Variants in CCDC134 observed in about 807,000 individuals in gnomAD.
CCDC134 encodes the protein coiled-coil domain-containing protein 134.
In CCDC134, 27 loss-of-function variants were observed where a neutral mutation model predicts 25.6. The ratio of observed to expected loss-of-function variants is 1.05; its 90% CI spans 0.78 to 1.45. The LOEUF is 1.45. Ranked by LOEUF, CCDC134 falls within the 40% of genes most tolerant of loss-of-function variation. CCDC134 has a pLI of 0.00. For missense variants in CCDC134, 261 were observed against 286.7 expected, an observed-to-expected ratio of 0.91 and a Z score of 0.65; for synonymous variants, 110 against 115.0, an observed-to-expected ratio of 0.96 and a Z score of 0.28.
intron 1 of CCDC134, among the ~76,000 whole-genome samples, chr22:41,804,211 T>G (rs1311609691): frequency 6.6e-6 from 1 of 152,226 alleles, no homozygotes; most frequent in Non-Finnish European, 1.5e-5. Context: ...ATCTACAGTA[T>G]GAAACCATCA....
At chr22:41,807,436 C>T (rs1033190395) in intron 1 of CCDC134, among the ~76,000 whole-genome samples, 40 of 151,950 alleles carry the variant, frequency 2.6e-4, no homozygotes, top group African/African-American at 8.7e-4. Flanking sequence ...GCGGCATGCA[C>T]CTGTAGTGCC....
Position 41,828,149 on chromosome 22 carries a change from A to G in CCDC134, c.*2326A>G, listed in dbSNP as rs1276719525. 1.3e-5 allele frequency among the ~76,000 whole-genome samples: 2 copies of G among 152,304 alleles called. No individual in the cohort carries two copies. Among genetic ancestry groups the G allele is most frequent in the Middle Eastern group, 3.4e-3 (1 of 294 alleles). On this transcript the variant is annotated 3_prime_UTR_variant, in exon 7 of 7. Transcript: ENST00000255784. ...ATTTGAAGCAGAGCTGGGCAACTGC[A>G]GAGCAATGGGGAAGCCAGCCCAGTG...
At chr22:41,804,304 T>C (rs1244093096) in intron 1 of CCDC134, among the ~76,000 whole-genome samples, 1 of 152,220 alleles carries the variant, frequency 6.6e-6, no homozygotes, top group Non-Finnish European at 1.5e-5. Context: ...ACCCATACAT[T>C]AGGCACAAGG....
At position 41,810,251 on chromosome 22, in the gene CCDC134, C is replaced by G. The variant is rs1321157501; in HGVS notation, c.270C>G (p.Leu90=). 1 of 1,614,090 alleles carries G rather than the reference C, an allele frequency of 6.2e-7. No individual in the cohort carries two copies. Among genetic ancestry groups the G allele is most frequent in the Non-Finnish European group, 8.5e-7 (1 of 1,180,006 alleles). ...SRTVLTAADV[L]PDGPFPQDEK... is the part of the protein sequence containing the mutation. ...CAGTGCTCACCGCTGCTGATGTGCT[C>G]CCAGATGGGCCCTTCCCCCAGGACG... Residue 90 remains leucine, a synonymous_variant, in exon 4 of 7, where the codon CTC becomes CTG. Coordinates refer to ENST00000255784, the MANE Select transcript of CCDC134 (RefSeq NM_024821.5).
At chr22:41,814,691 G>A (rs1302113161) in intron 6 of CCDC134, among the ~76,000 whole-genome samples, 2 of 152,156 alleles carry the variant, frequency 1.3e-5, no homozygotes, top group Non-Finnish European at 1.5e-5. Flanking sequence ...CCCTGGTGTC[G>A]GGAGGGGTGT....
chr22:41,817,583 T>G (rs2076628706), intron 6 of CCDC134, among the ~76,000 whole-genome samples: 1 of 151,786 alleles, frequency 6.6e-6, no homozygotes, highest in Non-Finnish European at 1.5e-5. Context: ...AATACAAAAA[T>G]TAGCCGGGCG....
chr22:41,813,327 T>C lies in CCDC134; in HGVS notation c.374T>C (p.Ile125Thr), dbSNP rs1302291244. The stretch of plus-strand genomic sequence containing the variant: ...GATGTGGTGCTGCGCTTCCCGAGGA[T>C]TGTGCACTATTACTTTGACCACAAC... ...FGDVVLRFPR[I>T]VHYYFDHNSN... Residue 125 changes from isoleucine to threonine, a missense_variant, in exon 5 of 7, where the codon ATT becomes ACT. Transcript: ENST00000255784. 5 of 1,614,060 alleles carry C rather than the reference T, an allele frequency of 3.1e-6. No individual in the cohort carries two copies. Among genetic ancestry groups the C allele is most frequent in the Non-Finnish European group, 4.2e-6 (5 of 1,180,002 alleles).
chr22:41,803,277 AC>A (rs2076553024), intron 1 of CCDC134, among the ~76,000 whole-genome samples: 1 of 151,940 alleles, frequency 6.6e-6, no homozygotes, highest in African/African-American at 2.4e-5. Context: ...AACCCCAAAT[AC>A]CTTTTAGCCA....
At chr22:41,812,370 CA>C (rs1388466829) in intron 4 of CCDC134, among the ~76,000 whole-genome samples, 2 of 132,906 alleles carry the variant, frequency 1.5e-5, no homozygotes, top group Non-Finnish European at 3.0e-5. Flanking sequence ...TGCAGTGAGC[CA>C]AAATCATGCC....
At chr22:41,809,669 T>G (rs1199307784) in intron 2 of CCDC134, among the ~76,000 whole-genome samples, 2 of 152,166 alleles carry the variant, frequency 1.3e-5, no homozygotes, top group Non-Finnish European at 2.9e-5. Flanking sequence ...GGTTTCAGGC[T>G]TCTGGGTGTG....
At chr22:41,814,581 G>A (rs1411991876) in intron 6 of CCDC134, among the ~76,000 whole-genome samples, 1 of 151,916 alleles carries the variant, frequency 6.6e-6, no homozygotes, top group African/African-American at 2.4e-5. Context: ...AAAAAAAAAG[G>A]GGGGACAGAT....
intron 6 of CCDC134, among the ~76,000 whole-genome samples, chr22:41,820,217 C>T (rs995341788): frequency 2.0e-5 from 3 of 151,398 alleles, no homozygotes; most frequent in Non-Finnish European, 4.4e-5. Flanking sequence ...AGGATCGTCT[C>T]GATCTTCTGA....
chr22:41,809,403 A>G lies in CCDC134; in HGVS notation c.103+410A>G, dbSNP rs75264225. ...GGTGTCCATAAGCCCAGGGGGAGAA[A>G]GTATCCAAACAAATGATCATGTTAC... On this transcript the variant is annotated intron_variant, in intron 2 of 6. Transcript: ENST00000255784. 3.5e-3 allele frequency among the ~76,000 whole-genome samples: 528 copies of G among 152,294 alleles called. 3 individuals carry two copies. Among genetic ancestry groups the G allele is most frequent in the African/African-American group, 0.012 (501 of 41,556 alleles).
intron 1 of CCDC134, among the ~76,000 whole-genome samples, chr22:41,805,442 A>T (rs942010830): frequency 7.2e-5 from 11 of 152,200 alleles, no homozygotes; most frequent in South Asian, 4.1e-4. Flanking sequence ...TAAAATAAAA[A>T]AAAGAATACT....
At chr22:41,822,920 A>G (rs1163927617) in intron 6 of CCDC134, among the ~76,000 whole-genome samples, 4 of 152,206 alleles carry the variant, frequency 2.6e-5, no homozygotes, top group African/African-American at 7.2e-5. Flanking sequence ...TCATGACTCA[A>G]TCTAACCTGG....
intron 1 of CCDC134, among the ~76,000 whole-genome samples, chr22:41,806,750 C>G (rs2076569356): frequency 6.6e-6 from 1 of 151,968 alleles, no homozygotes; most frequent in African/African-American, 2.4e-5. Flanking sequence ...GGAATGTAAA[C>G]AAGAAAACTA....
intron 3 of CCDC134, 66 bp downstream of exon 3, chr22:41,810,066 A>T (rs1369979322): frequency 3.7e-6 from 6 of 1,606,514 alleles, no homozygotes; most frequent in Admixed American, 3.3e-5. Context: ...ATGGGTAAAC[A>T]GGAGTTCCCT....
At chr22:41,822,109 A>G (rs901424992) in intron 6 of CCDC134, among the ~76,000 whole-genome samples, 2 of 152,186 alleles carry the variant, frequency 1.3e-5, no homozygotes, top group South Asian at 4.2e-4. Flanking sequence ...GCTTGAGGCT[A>G]TGGAGGATGT....
At position 41,830,538 on chromosome 22, in the gene CCDC134, C is replaced by T. The variant is rs1449498871; in HGVS notation, c.*4715C>T. On this transcript the variant is annotated 3_prime_UTR_variant, in exon 7 of 7. Coordinates refer to ENST00000255784, the MANE Select transcript of CCDC134 (RefSeq NM_024821.5). ...CAGCACAGTTGAAGGTGGCACCTTC[C>T]TGCTCAGTGCTGTGTCCAGAGCAGG... Among the ~76,000 whole-genome samples the T allele has an allele frequency of 6.6e-6, 1 of 152,216 alleles. No homozygotes were observed. Among genetic ancestry groups the T allele is most frequent in the East Asian group, 1.9e-4 (1 of 5,200 alleles).
Sources: gnomAD v4.1 joint callset for allele counts (sites outside exome capture counted in the v4.1 genomes callset) on GRCh38, gnomAD v4.1.1 for gene constraint, MANE v1.5 for transcripts, NCBI Gene and HGNC (gene_info 2026-07-23, HGNC 2026-07-21) for gene names.